Variants in CAMK4 observed in about 807,000 individuals in gnomAD.
The protein encoded by CAMK4 is calcium/calmodulin-dependent protein kinase type IV.
Under a neutral mutation model 44.9 loss-of-function variants are expected in CAMK4, and 22 were observed. The observed-to-expected ratio is 0.49, with a 90% CI of 0.35 to 0.70. The LOEUF is 0.70. Among genes scored for constraint, CAMK4 ranks in the 30% least tolerant of loss-of-function variants. CAMK4 has a pLI of 0.01. For missense variants in CAMK4, 498 were observed against 586.8 expected (o/e 0.85, Z 1.56); for synonymous variants, 218 against 215.4 (o/e 1.01, Z -0.11).
intron 5 of CAMK4, among the ~76,000 whole-genome samples, chr5:111,414,555 C>T (rs924541874): frequency 3.3e-5 from 5 of 151,476 alleles, no homozygotes; most frequent in African/African-American, 9.7e-5. Context: ...TGATTCAGGG[C>T]AATAAGACAT....
chr5:111,309,390 T>G (rs1475384883), intron 1 of CAMK4, among the ~76,000 whole-genome samples: 1 of 152,152 alleles, frequency 6.6e-6, no homozygotes, highest in Non-Finnish European at 1.5e-5. Flanking sequence ...CTTTCAGGTG[T>G]CTGGGATCAA....
chr5:111,435,437 A>G (rs553886780), intron 5 of CAMK4, among the ~76,000 whole-genome samples: 1 of 152,254 alleles, frequency 6.6e-6, no homozygotes, highest in South Asian at 2.1e-4. Flanking sequence ...TCATAATGAT[A>G]TTTTCAGCTT....
intron 6 of CAMK4, among the ~76,000 whole-genome samples, chr5:111,447,650 G>A (rs983756706): frequency 6.6e-5 from 10 of 152,110 alleles, no homozygotes; most frequent in South Asian, 6.2e-4. Context: ...TCTCACTAGT[G>A]GAATCTTCAT....
chr5:111,382,624 C>G (rs1424931333), intron 4 of CAMK4, among the ~76,000 whole-genome samples: 1 of 152,072 alleles, frequency 6.6e-6, no homozygotes, highest in African/African-American at 2.4e-5. Flanking sequence ...ATCATTAGAG[C>G]AACACATATA....
At chr5:111,455,064 C>T (rs1754370082) in intron 7 of CAMK4, among the ~76,000 whole-genome samples, 1 of 152,178 alleles carries the variant, frequency 6.6e-6, no homozygotes, top group Non-Finnish European at 1.5e-5. Flanking sequence ...AGTATTAATA[C>T]ATAAAAATGT....
intron 1 of CAMK4, among the ~76,000 whole-genome samples, chr5:111,251,493 T>G (rs1680502138): frequency 2.0e-5 from 3 of 152,166 alleles, no homozygotes. Flanking sequence ...ACATGTCCAG[T>G]GTGTTTACCA....
intron 1 of CAMK4, among the ~76,000 whole-genome samples, chr5:111,330,065 G>C (rs1380467484): frequency 6.8e-6 from 1 of 148,002 alleles, no homozygotes; most frequent in Non-Finnish European, 1.5e-5. Context: ...TTTTTTGGTA[G>C]AAGTCCTCAG....
At chr5:111,403,194 T>A (rs1020104274) in intron 5 of CAMK4, among the ~76,000 whole-genome samples, 4 of 152,228 alleles carry the variant, frequency 2.6e-5, no homozygotes, top group Admixed American at 2.6e-4. Flanking sequence ...GGATTAAGTA[T>A]GATTTGAAGG....
At chr5:111,441,349 C>T (rs1051403257) in intron 5 of CAMK4, among the ~76,000 whole-genome samples, 3 of 152,252 alleles carry the variant, frequency 2.0e-5, no homozygotes, top group Non-Finnish European at 2.9e-5. Context: ...AAAAATATAA[C>T]ACACTTAAAA....
chr5:111,261,233 A>G (rs1478329762), intron 1 of CAMK4, among the ~76,000 whole-genome samples: 1 of 152,184 alleles, frequency 6.6e-6, no homozygotes, highest in African/African-American at 2.4e-5. Flanking sequence ...ATAACATTAC[A>G]TTATTTCCAC....
At chr5:111,440,029 T>C (rs1020074664) in intron 5 of CAMK4, among the ~76,000 whole-genome samples, 1 of 152,142 alleles carries the variant, frequency 6.6e-6, no homozygotes, top group Non-Finnish European at 1.5e-5. Flanking sequence ...CTGACTAGAA[T>C]AGGAAATAAT....
intron 1 of CAMK4, among the ~76,000 whole-genome samples, chr5:111,324,915 T>C (rs1748812512): frequency 6.6e-6 from 1 of 152,030 alleles, no homozygotes; most frequent in Non-Finnish European, 1.5e-5. Context: ...ACATGTGCCA[T>C]GGTGGTTTGC....
chr5:111,477,837 C>T (rs1755299608), intron 8 of CAMK4, among the ~76,000 whole-genome samples: 1 of 152,114 alleles, frequency 6.6e-6, no homozygotes, highest in African/African-American at 2.4e-5. Context: ...ATGGAAATGT[C>T]ATAAAGCTTT....
intron 5 of CAMK4, among the ~76,000 whole-genome samples, chr5:111,402,232 G>A (rs916653467): frequency 1.3e-5 from 2 of 152,194 alleles, no homozygotes; most frequent in Non-Finnish European, 2.9e-5. Context: ...GGAAAAATGT[G>A]GCTTGAAATT....
chr5:111,311,677 TG>T (rs1027148140), intron 1 of CAMK4, among the ~76,000 whole-genome samples: 3 of 152,190 alleles, frequency 2.0e-5, no homozygotes, highest in African/African-American at 7.2e-5. Flanking sequence ...TGGGAATTTT[TG>T]CAAAGCCTTC....
intron 1 of CAMK4, among the ~76,000 whole-genome samples, chr5:111,251,100 G>C (rs547033196): frequency 5.9e-5 from 9 of 152,326 alleles, no homozygotes; most frequent in African/African-American, 2.2e-4. Flanking sequence ...AGACATTGCT[G>C]TATCTGTTAG....
intron 8 of CAMK4, among the ~76,000 whole-genome samples, chr5:111,476,263 G>A (rs149972345): frequency 0.21 from 27,695 of 134,042 alleles, 2,619 homozygotes; most frequent in African/African-American, 0.29. Context: ...GTGTGTGTGT[G>A]TGTGTGTTTG....
chr5:111,294,674 AT>A lies in CAMK4; in HGVS notation c.162-49336del, dbSNP rs57275745. On this transcript the variant is annotated intron_variant, in intron 1 of 10. Transcript: ENST00000282356. The stretch of plus-strand genomic sequence containing the variant: ...TCTGTTTCAAATGTTGCTTATTTCT[AT>A]TTTTTTTTTTTTTGAGAAAATCCAG... 9.5e-3 allele frequency among the ~76,000 whole-genome samples: 1,368 copies of A among 143,420 alleles called. 15 individuals carry two copies. Among genetic ancestry groups the A allele is most frequent in the African/African-American group, 0.029 (1,128 of 39,408 alleles). The allele number at this position is 143,420 out of a possible 152,430, so 94.1% of individuals were successfully genotyped here. A position where few individuals can be genotyped will look rare whatever the true frequency, so the allele number is the denominator to read the frequency against.
At chr5:111,367,493 G>C (rs1750837104) in intron 2 of CAMK4, among the ~76,000 whole-genome samples, 2 of 152,098 alleles carry the variant, frequency 1.3e-5, no homozygotes, top group African/African-American at 4.8e-5. Flanking sequence ...AGAATGCACT[G>C]TGATTGGACA....
Sources: gnomAD v4.1 joint callset for allele counts (sites outside exome capture counted in the v4.1 genomes callset) on GRCh38, gnomAD v4.1.1 for gene constraint, MANE v1.5 for transcripts, NCBI Gene and HGNC (gene_info 2026-07-23, HGNC 2026-07-21) for gene names.